CSMD1: variants seen among roughly 807,000 people sequenced by gnomAD.
CSMD1 encodes the protein CUB and Sushi multiple domains 1.
A neutral mutation model predicts 417.5 loss-of-function variants in CSMD1; 213 were observed. The observed-to-expected ratio is 0.51, with a 90% CI of 0.46 to 0.57. CSMD1 has a LOEUF of 0.57. CSMD1 is among the 20% of genes least tolerant of loss of function. The pLI is 0.00. For missense variants in CSMD1, 6,923 were observed against 4,529.7 expected (o/e 1.53, Z -15.17); for synonymous variants, 2,862 against 1,736.8 (o/e 1.65, Z -16.11).
intron 3 of CSMD1, among the ~76,000 whole-genome samples, chr8:4,058,386 T>A (rs984043970): frequency 2.6e-5 from 4 of 152,160 alleles, no homozygotes; most frequent in Non-Finnish European, 4.4e-5. Context: ...ATTGATTTTG[T>A]ATCCTCAGAC....
intron 5 of CSMD1, among the ~76,000 whole-genome samples, chr8:3,791,856 A>G (rs1414246239): frequency 6.6e-6 from 1 of 152,034 alleles, no homozygotes; most frequent in African/African-American, 2.4e-5. Flanking sequence ...TAATGTATCA[A>G]ACCCTTTGTA....
At chr8:3,178,550 C>T (rs1821084533) in intron 37 of CSMD1, among the ~76,000 whole-genome samples, 1 of 152,154 alleles carries the variant, frequency 6.6e-6, no homozygotes, top group Non-Finnish European at 1.5e-5. Context: ...TCATGCCTGC[C>T]TCTGCATGCC....
At position 4,500,827 on chromosome 8, in the gene CSMD1, G is replaced by A. The variant is rs143459106; in HGVS notation, c.303-80762C>T. Reference sequence around the variant, plus strand: ...TGACTTACGGAAAACATGGGTAGAGGTCCATTGCCTGGAGGATTTCTATTT... The same window carrying A: ...TGACTTACGGAAAACATGGGTAGAGATCCATTGCCTGGAGGATTTCTATTT... On this transcript the variant is annotated intron_variant, in intron 2 of 69. Coordinates refer to ENST00000635120, the MANE Select transcript of CSMD1 (RefSeq NM_033225.6). 5.3e-3 allele frequency among the ~76,000 whole-genome samples: 803 copies of A among 152,252 alleles called. 9 individuals carry two copies. The highest frequency in any genetic ancestry group is 0.018 in the African/African-American group (755 of 41,558).
At chr8:3,480,985 T>A (rs1377880137) in intron 11 of CSMD1, among the ~76,000 whole-genome samples, 1 of 151,516 alleles carries the variant, frequency 6.6e-6, no homozygotes, top group Non-Finnish European at 1.5e-5. Context: ...TGAAACCCTG[T>A]CTGAACTAAA....
intron 1 of CSMD1, among the ~76,000 whole-genome samples, chr8:4,754,063 T>C (rs990206732): frequency 1.3e-5 from 2 of 152,194 alleles, no homozygotes; most frequent in Admixed American, 1.3e-4. Flanking sequence ...GAAAAATGTA[T>C]GCGTTGCTCA....
intron 1 of CSMD1, among the ~76,000 whole-genome samples, chr8:4,906,455 A>C (rs545391575): frequency 6.6e-6 from 1 of 152,310 alleles, no homozygotes; most frequent in Admixed American, 6.5e-5. Context: ...GTGTTCATTA[A>C]GTTTTTTGTA....
intron 1 of CSMD1, among the ~76,000 whole-genome samples, chr8:4,654,351 G>A (rs991055759): frequency 6.6e-6 from 1 of 152,112 alleles, no homozygotes; most frequent in Admixed American, 6.5e-5. Flanking sequence ...AACAACTCCA[G>A]CAGTATAATT....
At chr8:3,457,652 C>G (rs960514513) in intron 12 of CSMD1, among the ~76,000 whole-genome samples, 2 of 152,136 alleles carry the variant, frequency 1.3e-5, no homozygotes, top group African/African-American at 4.8e-5. Flanking sequence ...TCATCCATTT[C>G]TAAGACAACA....
intron 8 of CSMD1, among the ~76,000 whole-genome samples, chr8:3,615,070 A>G (rs1389784546): frequency 6.6e-6 from 1 of 152,226 alleles, no homozygotes; most frequent in Admixed American, 6.5e-5. Context: ...GAATGACTTC[A>G]AATGACTGCT....
At chr8:3,183,377 C>T (rs112721006) in intron 36 of CSMD1, among the ~76,000 whole-genome samples, 264 of 132,908 alleles carry the variant, frequency 2.0e-3, no homozygotes, top group Middle Eastern at 4.8e-3. Context: ...ACCATCGGCA[C>T]CCACCGACGT....
At chr8:3,549,826 A>G (rs1323953361) in intron 10 of CSMD1, among the ~76,000 whole-genome samples, 2 of 152,058 alleles carry the variant, frequency 1.3e-5, no homozygotes, top group Non-Finnish European at 2.9e-5. Context: ...AAACCACCCA[A>G]TTTCAGGTAT....
At chr8:4,855,073 G>C (rs1024445168) in intron 1 of CSMD1, among the ~76,000 whole-genome samples, 9 of 151,992 alleles carry the variant, frequency 5.9e-5, no homozygotes, top group South Asian at 2.1e-4. Flanking sequence ...ATCTGAGAAC[G>C]GGCAGACTGC....
intron 3 of CSMD1, among the ~76,000 whole-genome samples, chr8:4,119,028 G>A (rs1183308543): frequency 6.6e-6 from 1 of 152,162 alleles, no homozygotes; most frequent in African/African-American, 2.4e-5. Flanking sequence ...ACTCATAAGT[G>A]GGAGTTGAAT....
intron 2 of CSMD1, among the ~76,000 whole-genome samples, chr8:4,587,620 C>T (rs564873346): frequency 2.0e-5 from 3 of 152,216 alleles, no homozygotes; most frequent in Admixed American, 1.3e-4. Context: ...AATAATTGTA[C>T]TCAGACTCAT....
chr8:2,950,400 T>G, intron 66 of CSMD1, 57 bp from the exon 67 acceptor site: 1 of 1,016,230 alleles, frequency 9.8e-7, no homozygotes, highest in East Asian at 2.4e-5. Context: ...ATTCAGCCCT[T>G]TAATCCATTT....
At chr8:4,741,534 G>A (rs559450570) in intron 1 of CSMD1, among the ~76,000 whole-genome samples, 1 of 152,272 alleles carries the variant, frequency 6.6e-6, no homozygotes, top group African/African-American at 2.4e-5. Context: ...ATAATTGCAT[G>A]TTTTGAATAA....
chr8:3,056,211 T>G (rs546486299), intron 49 of CSMD1, among the ~76,000 whole-genome samples: 1 of 152,238 alleles, frequency 6.6e-6, no homozygotes, highest in South Asian at 2.1e-4. Flanking sequence ...TCATGAGAGG[T>G]GTAACAGTTT....
intron 1 of CSMD1, among the ~76,000 whole-genome samples, chr8:4,771,168 G>C (rs764637523): frequency 6.6e-6 from 1 of 152,150 alleles, no homozygotes; most frequent in Non-Finnish European, 1.5e-5. Flanking sequence ...ATTACACAGA[G>C]AAGACTGAGG....
At chr8:3,672,485 C>T (rs931768855) in intron 7 of CSMD1, among the ~76,000 whole-genome samples, 12 of 151,850 alleles carry the variant, frequency 7.9e-5, no homozygotes, top group African/African-American at 2.7e-4. Context: ...AGGTCTGCTG[C>T]TATTTCAGTT....
Sources: allele counts gnomAD v4.1 joint callset (sites outside exome capture counted in the v4.1 genomes callset), GRCh38; gene constraint gnomAD v4.1.1; transcripts MANE v1.5; gene names NCBI Gene and HGNC (gene_info 2026-07-23, HGNC 2026-07-21).